ZBTB7C: variants seen among roughly 807,000 people sequenced by gnomAD.
ZBTB7C encodes zinc finger and BTB domain containing 7C, also known as zinc finger and BTB domain-containing protein 7C.
ZBTB7C carries 8 observed loss-of-function variants against 25.7 expected under a neutral mutation model. The observed-to-expected ratio is 0.31, with a 90% CI of 0.18 to 0.56. The LOEUF (loss-of-function observed/expected upper bound fraction) is 0.56. Ranked by LOEUF, ZBTB7C falls within the 20% of genes least tolerant of loss-of-function variation. The probability of loss-of-function intolerance (pLI) is 0.91; values close to 1 mark genes in which losing one functional copy is unlikely to be tolerated. For missense variants in ZBTB7C, 824 were observed against 855.2 expected, an observed-to-expected ratio of 0.96 and a Z score of 0.46; for synonymous variants, 394 against 369.0, an observed-to-expected ratio of 1.07 and a Z score of -0.78.
chr18:48,385,934 C>T (rs939510615), intron 1 of ZBTB7C, among the ~76,000 whole-genome samples: 4 of 152,150 alleles, frequency 2.6e-5, no homozygotes. Context: ...TCCCCCTCCC[C>T]ACAAATCCAC....
chr18:48,208,505 G>A (rs1377125751), intron 2 of ZBTB7C, among the ~76,000 whole-genome samples: 5 of 152,158 alleles, frequency 3.3e-5, no homozygotes, highest in Admixed American at 6.5e-5. Flanking sequence ...GAGACAAAGG[G>A]GGTGGGGGAA....
rs116914436 is a variant in ZBTB7C, at chr18:48,101,014, G to A, written c.-16-59891C>T. Among the ~76,000 whole-genome samples the A allele has an allele frequency of 3.3e-5, 5 of 152,136 alleles. No individual in the cohort carries two copies. The East Asian group carries it at 5.8e-4, about 18-fold the overall frequency. Reference sequence around the variant, plus strand: ...TCACTACACAGCTTTCTGATCTGTCGCCACACTACTGGGCACAGTAGCCTT... The same window carrying A: ...TCACTACACAGCTTTCTGATCTGTCACCACACTACTGGGCACAGTAGCCTT... On this transcript the variant is annotated intron_variant, in intron 3 of 4. Coordinates refer to ENST00000590800, the MANE Select transcript of ZBTB7C (RefSeq NM_001318841.2).
chr18:48,086,706 C>T (rs1298171989), intron 3 of ZBTB7C, among the ~76,000 whole-genome samples: 2 of 152,220 alleles, frequency 1.3e-5, no homozygotes, highest in Non-Finnish European at 2.9e-5. Flanking sequence ...TCTGAGGGCT[C>T]TGCCTTGTGT....
At chr18:48,114,224 G>T (rs1442440854) in intron 3 of ZBTB7C, among the ~76,000 whole-genome samples, 4 of 152,260 alleles carry the variant, frequency 2.6e-5, no homozygotes, top group Admixed American at 2.6e-4. Flanking sequence ...AACATAATGT[G>T]ACATTATTTT....
intron 2 of ZBTB7C, among the ~76,000 whole-genome samples, chr18:48,217,296 GC>G (rs2042846773): frequency 1.3e-5 from 2 of 152,154 alleles, no homozygotes; most frequent in South Asian, 4.1e-4. Context: ...CTGCCTTCAA[GC>G]CCTCCTGTCC....
intron 3 of ZBTB7C, among the ~76,000 whole-genome samples, chr18:48,114,752 T>G (rs1598904652): frequency 6.6e-6 from 1 of 152,236 alleles, no homozygotes; most frequent in Non-Finnish European, 1.5e-5. Context: ...TGAAAAGGAA[T>G]GGACTACAGC....
intron 3 of ZBTB7C, among the ~76,000 whole-genome samples, chr18:48,044,897 C>T (rs1227040386): frequency 1.3e-5 from 2 of 152,230 alleles, no homozygotes; most frequent in Non-Finnish European, 2.9e-5. Flanking sequence ...TCCCATTTTA[C>T]AGATGAGGGA....
rs563253031 is a variant in ZBTB7C at position 48,081,783 on chromosome 18, C to T, written c.-16-40660G>A. On this transcript the variant is annotated intron_variant, in intron 3 of 4. Transcript: ENST00000590800. ...TGTGACCTGGAAGCCATTAGCCACA[C>T]GAGGCTATTAAGCACTTGAAATGTA... Among the ~76,000 whole-genome samples, 107 of 151,940 alleles carry T rather than the reference C, an allele frequency of 7.0e-4. 1 individual carries two copies. In the South Asian group the frequency reaches 0.021, roughly 30 times the overall value.
intron 4 of ZBTB7C, 109 bp from the exon 5 acceptor site, chr18:48,030,020 G>T: frequency 7.0e-7 from 1 of 1,432,254 alleles, no homozygotes; most frequent in Non-Finnish European, 9.5e-7. Flanking sequence ...CTGCCATGGA[G>T]TCAAACCCCA....
chr18:48,213,890 A>G (rs912902697), intron 2 of ZBTB7C, among the ~76,000 whole-genome samples: 1 of 152,168 alleles, frequency 6.6e-6, no homozygotes, highest in African/African-American at 2.4e-5. Flanking sequence ...AGCTGTCAAA[A>G]TGTAGGGCTG....
At chr18:48,061,912 G>A (rs1675361075) in intron 3 of ZBTB7C, among the ~76,000 whole-genome samples, 2 of 152,142 alleles carry the variant, frequency 1.3e-5, no homozygotes, top group African/African-American at 2.4e-5. Flanking sequence ...GTCGAAAGCA[G>A]GAAATGACCT....
chr18:48,409,941 G>A (rs1360282909), upstream of ZBTB7C, among the ~76,000 whole-genome samples: 3 of 151,818 alleles, frequency 2.0e-5, no homozygotes, highest in Admixed American at 2.0e-4. Flanking sequence ...GCAGGCTTGG[G>A]ACCGCCGGGT....
intron 3 of ZBTB7C, among the ~76,000 whole-genome samples, chr18:48,119,321 G>C (rs2039547953): frequency 6.6e-6 from 1 of 152,260 alleles, no homozygotes; most frequent in African/African-American, 2.4e-5. Context: ...GTTTCCACCA[G>C]GTGAGAAGGA....
chr18:48,297,430 A>T (rs2045427413), intron 2 of ZBTB7C, among the ~76,000 whole-genome samples: 2 of 151,950 alleles, frequency 1.3e-5, no homozygotes, highest in East Asian at 3.9e-4. Flanking sequence ...TTCCCTGGAG[A>T]GAGGCTCTGT....
intron 1 of ZBTB7C, among the ~76,000 whole-genome samples, chr18:48,370,064 G>C (rs1311126651): frequency 1.3e-5 from 2 of 152,164 alleles, no homozygotes; most frequent in Non-Finnish European, 2.9e-5. Context: ...TCAGTGGAAT[G>C]AATCAACTGG....
At chr18:48,331,198 G>A (rs1010764213) in intron 2 of ZBTB7C, among the ~76,000 whole-genome samples, 2 of 152,044 alleles carry the variant, frequency 1.3e-5, no homozygotes, top group South Asian at 4.2e-4. Flanking sequence ...TGTCTTAGAC[G>A]GCACCTTGCA....
intron 3 of ZBTB7C, among the ~76,000 whole-genome samples, chr18:48,182,294 G>A (rs1022440594): frequency 2.0e-4 from 30 of 152,190 alleles, no homozygotes; most frequent in African/African-American, 5.8e-4. Flanking sequence ...AAACATGAAG[G>A]AGAACTGAAA....
chr18:48,261,282 C>T (rs1397166605), intron 2 of ZBTB7C, among the ~76,000 whole-genome samples: 3 of 152,074 alleles, frequency 2.0e-5, no homozygotes, highest in Non-Finnish European at 4.4e-5. Context: ...TTTAATATCT[C>T]GAGTGCTGGG....
intron 2 of ZBTB7C, among the ~76,000 whole-genome samples, chr18:48,216,335 T>C (rs1416427172): frequency 6.6e-6 from 1 of 152,086 alleles, no homozygotes; most frequent in Non-Finnish European, 1.5e-5. Context: ...CAGAGAAGCC[T>C]GAGGGGGTAG....
Sources: gnomAD v4.1 joint callset for allele counts (sites outside exome capture counted in the v4.1 genomes callset) on GRCh38, gnomAD v4.1.1 for gene constraint, MANE v1.5 for transcripts, NCBI Gene and HGNC (gene_info 2026-07-23, HGNC 2026-07-21) for gene names.